The following SLCO5A1 variants were observed in gnomAD, a reference collection of about 807,000 sequenced individuals.
The protein encoded by SLCO5A1 is solute carrier organic anion transporter family member 5A1.
A neutral mutation model predicts 65.1 loss-of-function variants in SLCO5A1; 39 were observed. The observed-to-expected ratio is 0.60, with a 90% CI of 0.46 to 0.78. The LOEUF is 0.78. SLCO5A1 is among the 30% of genes least tolerant of loss of function. SLCO5A1 has a pLI of 0.00. For synonymous variants in SLCO5A1, 438 were observed against 415.7 expected, an observed-to-expected ratio of 1.05 and a Z score of -0.65; for missense variants, 1,029 against 1,069.4, an observed-to-expected ratio of 0.96 and a Z score of 0.53.
chr8:69,708,462 G>A (rs150587583), intron 5 of SLCO5A1, among the ~76,000 whole-genome samples: 1,847 of 152,260 alleles, frequency 0.012, 35 homozygotes, highest in Middle Eastern at 0.041. Context: ...TTGGGAAGCT[G>A]AGGCAGGAGA....
chr8:69,755,329 A>C lies in SLCO5A1; in HGVS notation c.1258+95T>G, dbSNP rs1817491729. On this transcript the variant is annotated intron_variant, in intron 4 of 9. Transcript: ENST00000260126. ...TCTCAATCTTAGTACTTATCTGGCCACAGACAGTGGGTAGACAGCATGGGC... is the reference window on the plus strand; with the variant it reads ...TCTCAATCTTAGTACTTATCTGGCCCCAGACAGTGGGTAGACAGCATGGGC... 6.2e-6 allele frequency: 6 copies of C among 973,928 alleles called. No homozygotes were observed. The South Asian group carries it at 6.8e-5, about 11-fold the overall frequency. 60.3% of individuals were successfully genotyped at this position (973,928 alleles called of 1,614,324 possible). A position where few individuals can be genotyped will look rare whatever the true frequency, so the allele number is the denominator to read the frequency against.
chr8:69,791,189 C>T (rs1819253455), intron 2 of SLCO5A1, among the ~76,000 whole-genome samples: 1 of 152,176 alleles, frequency 6.6e-6, no homozygotes, highest in Non-Finnish European at 1.5e-5. Flanking sequence ...CATCCCCTTC[C>T]TCCCTCATTC....
At chr8:69,822,817 T>A (rs926909867) in intron 2 of SLCO5A1, among the ~76,000 whole-genome samples, 1 of 152,226 alleles carries the variant, frequency 6.6e-6, no homozygotes, top group Non-Finnish European at 1.5e-5. Context: ...CAGTTGTTGG[T>A]AGAGTGAAAC....
At chr8:69,692,296 G>A (rs902303368) in intron 6 of SLCO5A1, among the ~76,000 whole-genome samples, 17 of 152,136 alleles carry the variant, frequency 1.1e-4, no homozygotes, top group African/African-American at 3.9e-4. Flanking sequence ...CCTGTATAGG[G>A]CATTTATCAT....
At chr8:69,767,889 CAAAAAA>C (rs746004982) in intron 2 of SLCO5A1, among the ~76,000 whole-genome samples, 1 of 35,046 alleles carries the variant, frequency 2.9e-5, no homozygotes, top group Non-Finnish European at 5.5e-5. Context: ...GACTCCATCT[CAAAAAA>C]AAAAAAAAAA....
At chr8:69,693,580 A>C (rs1476951821) in intron 6 of SLCO5A1, among the ~76,000 whole-genome samples, 1 of 152,236 alleles carries the variant, frequency 6.6e-6, no homozygotes, top group Non-Finnish European at 1.5e-5. Context: ...CCAGAACCAA[A>C]GAAACCTAAT....
At chr8:69,678,013 T>C (rs1365171156) in intron 8 of SLCO5A1, among the ~76,000 whole-genome samples, 1 of 152,172 alleles carries the variant, frequency 6.6e-6, no homozygotes, top group Non-Finnish European at 1.5e-5. Context: ...CCCAGTTCCT[T>C]TGTCCACTGC....
intron 2 of SLCO5A1, among the ~76,000 whole-genome samples, chr8:69,809,482 A>G (rs1820133750): frequency 6.6e-6 from 1 of 152,212 alleles, no homozygotes; most frequent in Non-Finnish European, 1.5e-5. Context: ...AGAAAGAAGG[A>G]CAAGTAAGTC....
chr8:69,796,542 G>T (rs570667240), intron 2 of SLCO5A1, among the ~76,000 whole-genome samples: 20 of 151,990 alleles, frequency 1.3e-4, no homozygotes, highest in African/African-American at 4.6e-4. Context: ...CCTGAGCCTG[G>T]CAGGCAGAGG....
chr8:69,761,643 T>A (rs1210014568), intron 3 of SLCO5A1, 100 bp downstream of exon 3: 4 of 1,348,028 alleles, frequency 3.0e-6, no homozygotes, highest in Non-Finnish European at 4.0e-6. Context: ...TTTCAGCTAT[T>A]TTTTGTCTCC....
chr8:69,779,584 C>G (rs1049239466), intron 2 of SLCO5A1, among the ~76,000 whole-genome samples: 2 of 152,106 alleles, frequency 1.3e-5, no homozygotes, highest in African/African-American at 4.8e-5. Context: ...CTTCACATTA[C>G]TTGTGCCATC....
chr8:69,797,400 A>C (rs1819548719), intron 2 of SLCO5A1, among the ~76,000 whole-genome samples: 1 of 152,250 alleles, frequency 6.6e-6, no homozygotes, highest in Non-Finnish European at 1.5e-5. Context: ...GAACAATATG[A>C]AATCTGGGCA....
intron 2 of SLCO5A1, among the ~76,000 whole-genome samples, chr8:69,780,416 T>C (rs1011716406): frequency 7.2e-5 from 11 of 152,158 alleles, no homozygotes; most frequent in African/African-American, 2.7e-4. Context: ...TGCATATCAA[T>C]GGAGGACTGG....
At chr8:69,745,750 A>G (rs191628911) in intron 4 of SLCO5A1, among the ~76,000 whole-genome samples, 1 of 152,362 alleles carries the variant, frequency 6.6e-6, no homozygotes, top group East Asian at 1.9e-4. Context: ...TTCACAGAAT[A>G]TAAAATTAAC....
At chr8:69,731,340 C>T (rs34049511) in intron 5 of SLCO5A1, among the ~76,000 whole-genome samples, 4 of 152,170 alleles carry the variant, frequency 2.6e-5, no homozygotes, top group Admixed American at 1.3e-4. Flanking sequence ...CAGCAAAAAC[C>T]GCAATTACTT....
Position 69,682,331 on chromosome 8 carries a change from G to C in SLCO5A1, c.1635C>G (p.Thr545=). The C allele has an allele frequency of 6.2e-7, 1 of 1,603,118 alleles. No individual in the cohort carries two copies. Among genetic ancestry groups the C allele is most frequent in the Non-Finnish European group, 8.5e-7 (1 of 1,175,696 alleles). The change falls in exon 7 of 10, where the codon ACC becomes ACG. Residue 545 remains threonine, a synonymous_variant. Transcript: ENST00000260126. ...NIPYTTGPSL[T]MPHRNLTGSC... Reference sequence around the variant, plus strand: ...TTCCTGTCAGATTCCTATGGGGCATGGTGAGAGAAGGTCTAAGAGAGAAGA... The same window carrying C: ...TTCCTGTCAGATTCCTATGGGGCATCGTGAGAGAAGGTCTAAGAGAGAAGA...
In SLCO5A1 at chr8:69,711,013, T is replaced by C. The variant is rs113520747; in HGVS notation, c.1424-5784A>G. On this transcript the variant is annotated intron_variant, in intron 5 of 9. Transcript: ENST00000260126. ...CGGACAGTTCAGAGCCTTCATACTG[T>C]CCCCCCCACTCAAAGCCCCTGGCTC... Among the ~76,000 whole-genome samples the C allele has an allele frequency of 4.3e-3, 169 of 39,688 alleles. 1 individual carries two copies. The highest frequency in any genetic ancestry group is 0.018 in the African/African-American group (155 of 8,692). 26.0% of individuals were successfully genotyped at this position (39,688 alleles called of 152,430 possible).
At chr8:69,804,765 A>C (rs1819919329) in intron 2 of SLCO5A1, among the ~76,000 whole-genome samples, 1 of 152,200 alleles carries the variant, frequency 6.6e-6, no homozygotes, top group South Asian at 2.1e-4. Flanking sequence ...TACCCACTCC[A>C]CCTTACACCT....
At chr8:69,745,434 G>A (rs1037362168) in intron 4 of SLCO5A1, among the ~76,000 whole-genome samples, 12 of 151,868 alleles carry the variant, frequency 7.9e-5, no homozygotes, top group African/African-American at 2.9e-4. Flanking sequence ...ATTTAAACTG[G>A]GGGTGGGATG....
Sources: allele counts gnomAD v4.1 joint callset (sites outside exome capture counted in the v4.1 genomes callset), GRCh38; gene constraint gnomAD v4.1.1; transcripts MANE v1.5; gene names NCBI Gene and HGNC (gene_info 2026-07-23, HGNC 2026-07-21).